Variants in COL13A1 observed in about 807,000 individuals in gnomAD.
COL13A1 encodes collagen type XIII alpha 1 chain.
Under a neutral mutation model 130.9 loss-of-function variants are expected in COL13A1, and 89 were observed. The ratio of observed to expected loss-of-function variants is 0.68; its 90% CI spans 0.57 to 0.81. COL13A1 has a LOEUF of 0.81. Ranked by LOEUF, COL13A1 falls within the 30% of genes least tolerant of loss-of-function variation. The probability of loss-of-function intolerance (pLI) is 0.00; values close to 1 mark genes in which losing one functional copy is unlikely to be tolerated. For synonymous variants in COL13A1, 402 were observed against 341.6 expected, an observed-to-expected ratio of 1.18 and a Z score of -1.95; for missense variants, 879 against 934.6, an observed-to-expected ratio of 0.94 and a Z score of 0.78.
In COL13A1 at chr10:69,822,433, C is replaced by T; in HGVS notation, c.359C>T (p.Pro120Leu). 1 of 1,590,430 alleles carries T rather than the reference C, an allele frequency of 6.3e-7. No homozygotes were observed. The highest frequency in any genetic ancestry group is 8.6e-7 in the Non-Finnish European group (1 of 1,168,774). Residue 120 changes from proline (P) to leucine (L), a missense_variant, in exon 2 of 41, where the codon CCA becomes CTA. By Grantham distance (98) the Pro-to-Leu change is moderately conservative. Coordinates refer to ENST00000645393, the MANE Select transcript of COL13A1 (RefSeq NM_001368882.1). The stretch of plus-strand genomic sequence containing the variant: ...AAGACATCTCCAGGATGTAACTGCC[C>T]ACCAGGTAAGCAGCCCTGCAAATAG... ...APKTSPGCNC[P>L]PGPPGPTGRP...
At chr10:69,911,293 A>G (rs986864078) in intron 17 of COL13A1, among the ~76,000 whole-genome samples, 3 of 152,222 alleles carry the variant, frequency 2.0e-5, no homozygotes, top group African/African-American at 7.2e-5. Context: ...CTGTAGAATG[A>G]TAACTCGTGC....
chr10:69,879,514 A>G (rs1049756823), intron 6 of COL13A1: 3 of 152,144 alleles, frequency 2.0e-5, no homozygotes, highest in African/African-American at 7.2e-5. Flanking sequence ...ATGACACTAC[A>G]CCGCCTTGTA....
intron 7 of COL13A1, among the ~76,000 whole-genome samples, chr10:69,883,231 G>T (rs958718441): frequency 6.6e-6 from 1 of 152,202 alleles, no homozygotes; most frequent in Non-Finnish European, 1.5e-5. Context: ...TCAGTAAATC[G>T]AGGGGGAGCC....
intron 2 of COL13A1, among the ~76,000 whole-genome samples, chr10:69,858,115 C>CAAAAAAAA (rs573668102): frequency 0.014 from 1,096 of 80,172 alleles, 138 homozygotes; most frequent in African/African-American, 0.031. Context: ...GACTCCGTCT[C>CAAAAAAAA]AAAAAAAAAA....
intron 39 of COL13A1, among the ~76,000 whole-genome samples, chr10:69,954,533 C>T (rs1024003992): frequency 6.6e-6 from 1 of 152,238 alleles, no homozygotes; most frequent in Non-Finnish European, 1.5e-5. Context: ...ATCCCCTGCT[C>T]CTCCATCACA....
chr10:69,890,220 G>C (rs1338963867), intron 10 of COL13A1, among the ~76,000 whole-genome samples: 1 of 152,182 alleles, frequency 6.6e-6, no homozygotes, highest in Non-Finnish European at 1.5e-5. Context: ...TTCCAGAAGG[G>C]AATGAGGGGC....
chr10:69,935,650 C>A (rs1376396428), intron 32 of COL13A1, among the ~76,000 whole-genome samples: 1 of 152,198 alleles, frequency 6.6e-6, no homozygotes, highest in African/African-American at 2.4e-5. Flanking sequence ...TCTCTAAGCT[C>A]TGCCCAACAT....
chr10:69,837,051 A>C (rs891630868), intron 2 of COL13A1, among the ~76,000 whole-genome samples: 1 of 75,566 alleles, frequency 1.3e-5, no homozygotes, highest in Non-Finnish European at 2.5e-5. Context: ...GTTTGTGGTC[A>C]TGGAGGGGTC....
At chr10:69,907,260 T>C (rs533603872) in intron 17 of COL13A1, among the ~76,000 whole-genome samples, 1 of 152,376 alleles carries the variant, frequency 6.6e-6, no homozygotes, top group South Asian at 2.1e-4. Context: ...TCTGTGAGGC[T>C]GGTATGACTA....
At chr10:69,861,198 C>A (rs1857960423) in intron 2 of COL13A1, among the ~76,000 whole-genome samples, 1 of 152,186 alleles carries the variant, frequency 6.6e-6, no homozygotes, top group Non-Finnish European at 1.5e-5. Context: ...TAGCCAAGGG[C>A]AGAGTGTCAA....
chr10:69,809,728 G>A (rs1279771401), intron 1 of COL13A1, among the ~76,000 whole-genome samples: 1 of 152,262 alleles, frequency 6.6e-6, no homozygotes, highest in East Asian at 1.9e-4. Flanking sequence ...AGTGTTTACT[G>A]AACTGCCTTG....
chr10:69,858,115 CAAAA>C (rs573668102), intron 2 of COL13A1, among the ~76,000 whole-genome samples: 3 of 80,384 alleles, frequency 3.7e-5, no homozygotes, highest in African/African-American at 1.0e-4. Flanking sequence ...GACTCCGTCT[CAAAA>C]AAAAAAAAAA....
At chr10:69,846,335 A>T (rs919106296) in intron 2 of COL13A1, among the ~76,000 whole-genome samples, 2 of 151,740 alleles carry the variant, frequency 1.3e-5, no homozygotes, top group Admixed American at 1.3e-4. Flanking sequence ...TGCCTCCAGG[A>T]TCACTTTTCA....
intron 14 of COL13A1, among the ~76,000 whole-genome samples, chr10:69,900,748 T>C (rs911872929): frequency 6.6e-6 from 1 of 151,792 alleles, no homozygotes; most frequent in Non-Finnish European, 1.5e-5. Context: ...GTGTAGATGG[T>C]GAGCCCTTTT....
intron 15 of COL13A1, 49 bp from the exon 16 acceptor site, chr10:69,904,884 T>C (rs2062574528): frequency 6.5e-7 from 1 of 1,535,614 alleles, no homozygotes; most frequent in Admixed American, 2.0e-5. Flanking sequence ...CCCAACCAGC[T>C]CTACTCACCT....
At position 69,802,196 on chromosome 10, in the gene COL13A1, T is replaced by C. The variant is rs1840184994; in HGVS notation, c.-228T>C. On this transcript the variant is annotated 5_prime_UTR_variant, in exon 1 of 41. Transcript: ENST00000645393. Reference sequence around the variant, plus strand: ...GACTTGGAACGTTCTTCGAAATAACTTTTTTCTCACCTAGGTGTACCCCAA... The same window carrying C: ...GACTTGGAACGTTCTTCGAAATAACCTTTTTCTCACCTAGGTGTACCCCAA... 9 of 492,378 alleles carry C rather than the reference T, an allele frequency of 1.8e-5. No homozygotes were observed. The South Asian group carries it at 3.8e-4, about 21-fold the overall frequency. 30.5% of individuals were successfully genotyped at this position (492,378 alleles called of 1,614,324 possible).
chr10:69,802,406 T>G lies in COL13A1; in HGVS notation c.-18T>G, dbSNP rs1245609605. On this transcript the variant is annotated 5_prime_UTR_variant, in exon 1 of 41. Transcript: ENST00000645393. ...TTTATTCTATTTATTTATTTATTGGTTCTCAAGACGCGAGAGGATGGTAGC... is the reference window on the plus strand; with the variant it reads ...TTTATTCTATTTATTTATTTATTGGGTCTCAAGACGCGAGAGGATGGTAGC... 1 of 1,475,698 alleles carries G rather than the reference T, an allele frequency of 6.8e-7. No homozygotes were observed. Among genetic ancestry groups the G allele is most frequent in the Non-Finnish European group, 8.9e-7 (1 of 1,120,998 alleles). The allele number at this position is 1,475,698 out of a possible 1,614,324, so 91.4% of individuals were successfully genotyped here.
intron 4 of COL13A1, among the ~76,000 whole-genome samples, chr10:69,874,386 C>A (rs1194709507): frequency 2.0e-5 from 3 of 152,210 alleles, no homozygotes; most frequent in African/African-American, 7.2e-5. Flanking sequence ...AGGCCCCACC[C>A]CAGGTTTTAT....
At position 69,936,785 on chromosome 10, in the gene COL13A1, AAGG is replaced by A; in HGVS notation, c.1797+6_1797+8del. On this transcript the variant is annotated splice_donor_5th_base_variant and intron_variant, in intron 33 of 40. Transcript: ENST00000645393. ...TCCAAGGTGTTCCTGGACCAAAGGTAAGGAGAAGTCACATGACAGGCGCTGTGT... is the reference window on the plus strand; with the variant it reads ...TCCAAGGTGTTCCTGGACCAAAGGTAAGAAGTCACATGACAGGCGCTGTGT... 1.2e-6 allele frequency: 2 copies of A among 1,613,984 alleles called. No homozygotes were observed. Among genetic ancestry groups the A allele is most frequent in the Non-Finnish European group, 1.7e-6 (2 of 1,179,874 alleles).
Sources: gnomAD v4.1 joint callset for allele counts (sites outside exome capture counted in the v4.1 genomes callset) on GRCh38, gnomAD v4.1.1 for gene constraint, MANE v1.5 for transcripts, NCBI Gene and HGNC (gene_info 2026-07-23, HGNC 2026-07-21) for gene names.